The following NEMP1 variants were observed in gnomAD, a reference collection of about 807,000 sequenced individuals.
NEMP1 encodes nuclear envelope integral membrane protein 1, also known as transmembrane protein 194.
A neutral mutation model predicts 53.7 loss-of-function variants in NEMP1; 29 were observed. The observed-to-expected ratio is 0.54, with a 90% CI of 0.40 to 0.74. NEMP1 has a LOEUF of 0.74. Among genes scored for constraint, NEMP1 ranks in the 30% least tolerant of loss-of-function variants. NEMP1 has a pLI of 0.00. For missense variants in NEMP1, 477 were observed against 528.6 expected (o/e 0.90, Z 0.96); for synonymous variants, 193 against 192.9 (o/e 1.00, Z 0.00).
At chr12:57,084,550 A>G (rs2032938392) in intron 1 of NEMP1, among the ~76,000 whole-genome samples, 1 of 151,998 alleles carries the variant, frequency 6.6e-6, no homozygotes, top group Non-Finnish European at 1.5e-5. Context: ...GTCCTTCAGT[A>G]TTTTTCAAGC....
intron 4 of NEMP1, among the ~76,000 whole-genome samples, chr12:57,068,522 T>C (rs2032201770): frequency 6.6e-6 from 1 of 152,146 alleles, no homozygotes; most frequent in East Asian, 1.9e-4. Flanking sequence ...AGCTAATTTT[T>C]GTATAGACAG....
intron 1 of NEMP1, among the ~76,000 whole-genome samples, 165 bp from the exon 2 acceptor site, chr12:57,073,077 A>T (rs913046822): frequency 6.6e-6 from 1 of 152,220 alleles, no homozygotes; most frequent in East Asian, 1.9e-4. Flanking sequence ...CTAAGGCAGA[A>T]TCTTATTTCT....
intron 6 of NEMP1, among the ~76,000 whole-genome samples, chr12:57,063,839 A>G (rs2031938461): frequency 1.3e-5 from 2 of 152,264 alleles, no homozygotes; most frequent in Admixed American, 1.3e-4. Context: ...AAAGAAAGGT[A>G]TATTTATAAA....
At chr12:57,073,204 C>G (rs1163224379) in intron 1 of NEMP1, among the ~76,000 whole-genome samples, 1 of 151,278 alleles carries the variant, frequency 6.6e-6, no homozygotes, top group East Asian at 1.9e-4. Context: ...TTGCCCAGGC[C>G]GGACTGCAGT....
upstream of NEMP1, among the ~76,000 whole-genome samples, chr12:57,080,653 G>A (rs1380666929): frequency 6.6e-6 from 1 of 150,944 alleles, no homozygotes; most frequent in Non-Finnish European, 1.5e-5. Flanking sequence ...ACTTTTGGGA[G>A]GTTGAGGTGG....
intron 4 of NEMP1, among the ~76,000 whole-genome samples, chr12:57,067,611 C>T (rs2032152814): frequency 6.6e-6 from 1 of 152,074 alleles, no homozygotes; most frequent in African/African-American, 2.4e-5. Context: ...AAGTGAAGTA[C>T]AATAAAGTGA....
rs201374270 is a variant in NEMP1, at chr12:57,070,804, G to A, written c.342C>T (p.Asn114=). The part of the protein sequence containing the change: ...LKELEQFSIW[N]FFSSFLKEKL... ...TCTCTTTTAAAAAGGAGGAAAAAAAGTTCCAGATACTAAACTGCTCTAGCT... is the reference window on the plus strand; with the variant it reads ...TCTCTTTTAAAAAGGAGGAAAAAAAATTCCAGATACTAAACTGCTCTAGCT... Residue 114 remains asparagine, a synonymous_variant, in exon 3 of 9, where the codon AAC becomes AAT. Coordinates refer to ENST00000300128, the MANE Select transcript of NEMP1 (RefSeq NM_001130963.2). 3.3e-4 allele frequency: 527 copies of A among 1,613,972 alleles called. 3 individuals carry two copies. In the African/African-American group the frequency reaches 6.5e-3, roughly 20 times the overall value.
chr12:57,075,484 G>A (rs2032563928), intron 1 of NEMP1, among the ~76,000 whole-genome samples: 1 of 148,704 alleles, frequency 6.7e-6, no homozygotes, highest in African/African-American at 2.5e-5. Flanking sequence ...GACAGAGCAA[G>A]ACTCCATCTC....
intron 7 of NEMP1, among the ~76,000 whole-genome samples, chr12:57,061,480 G>C (rs1247443990): frequency 6.8e-6 from 1 of 147,044 alleles, no homozygotes; most frequent in Non-Finnish European, 1.5e-5. Context: ...GATCACCTGA[G>C]GTCAGGAGTT....
At chr12:57,064,595 C>CT in intron 5 of NEMP1, 51 bp downstream of exon 5, 1 of 1,409,256 alleles carries the variant, frequency 7.1e-7, no homozygotes, top group Non-Finnish European at 9.9e-7. Flanking sequence ...GAAAACAGTC[C>CT]TTCAGCTATC....
intron 2 of NEMP1, among the ~76,000 whole-genome samples, chr12:57,071,762 T>G (rs946993026): frequency 1.3e-5 from 2 of 151,744 alleles, no homozygotes; most frequent in African/African-American, 4.8e-5. Context: ...GAGGCAGAGG[T>G]TGCAGGGAGC....
chr12:57,063,235 G>A lies in NEMP1; in HGVS notation c.864C>T (p.Gly288=). 2.5e-6 allele frequency: 4 copies of A among 1,614,144 alleles called. No homozygotes were observed. The highest frequency in any genetic ancestry group is 3.4e-6 in the Non-Finnish European group (4 of 1,180,032). The change falls in exon 7 of 9, where the codon GGC becomes GGT. Residue 288 remains glycine, a synonymous_variant. Coordinates refer to ENST00000300128, the MANE Select transcript of NEMP1 (RefSeq NM_001130963.2). The stretch of plus-strand genomic sequence containing the variant: ...GGATGCCAGAATACATGAAACACAG[G>A]CCCATCAGCTGCAAGGTCCAGGTCA... ...NLLTWTLQLM[G]LCFMYSGIQI...
chr12:57,064,765 A>T, intron 4 of NEMP1, 26 bp from the exon 5 acceptor site: 6 of 1,546,860 alleles, frequency 3.9e-6, no homozygotes, highest in Non-Finnish European at 5.3e-6. Flanking sequence ...GTATTTCATG[A>T]CCATATGTAT....
At chr12:57,086,510 T>C (rs1225182437) in intron 1 of NEMP1, among the ~76,000 whole-genome samples, 3 of 95,892 alleles carry the variant, frequency 3.1e-5, no homozygotes, top group African/African-American at 1.4e-4. Flanking sequence ...TTGTCCCCAC[T>C]CCCTTTTTGT....
At position 57,059,925 on chromosome 12, in the gene NEMP1, G is replaced by T; in HGVS notation, c.1289C>A (p.Ser430Ter). Reference sequence around the variant, plus strand: ...TGTGATAGCAGGACACCGAGAATATGAGTCCTCCTCCTCAGAGGATGCTTC... The same window carrying T: ...TGTGATAGCAGGACACCGAGAATATTAGTCCTCCTCCTCAGAGGATGCTTC... ...YEEASSEEED[S>*]YSRCPAITQN... The change falls in exon 9 of 9, where the codon TCA becomes TAA. Residue 430 changes from serine (S) to a stop codon, truncating the protein, a stop_gained. Transcript: ENST00000300128. LOFTEE classifies it low-confidence loss of function (END_TRUNC). The T allele has an allele frequency of 6.2e-7, 1 of 1,613,920 alleles. No homozygotes were observed. Among genetic ancestry groups the T allele is most frequent in the Non-Finnish European group, 8.5e-7 (1 of 1,179,938 alleles).
chr12:57,079,565 T>C (rs1302912994), upstream of NEMP1, among the ~76,000 whole-genome samples: 1 of 152,174 alleles, frequency 6.6e-6, no homozygotes, highest in Non-Finnish European at 1.5e-5. Flanking sequence ...TTTATATGGA[T>C]TAGCTGCTTC....
intron 1 of NEMP1, among the ~76,000 whole-genome samples, chr12:57,086,076 T>TGGAA (rs767322360): frequency 3.3e-5 from 5 of 151,106 alleles, no homozygotes; most frequent in Non-Finnish European, 7.4e-5. Flanking sequence ...CCTGGAGGAG[T>TGGAA]GGAAGGGGTC....
Position 57,070,822 on chromosome 12 carries a change from C to T in NEMP1, c.324G>A (p.Glu108=). The T allele has an allele frequency of 6.2e-7, 1 of 1,614,134 alleles. No homozygotes were observed. The highest frequency in any genetic ancestry group is 8.5e-7 in the Non-Finnish European group (1 of 1,180,010). The stretch of plus-strand genomic sequence containing the variant: ...AAAAAAAGTTCCAGATACTAAACTG[C>T]TCTAGCTCCTTCAGTTTCTCCTCAT... The part of the protein sequence containing the change: ...VENEEKLKEL[E]QFSIWNFFSS... The change falls in exon 3 of 9, where the codon GAG becomes GAA. Residue 108 remains glutamate (E), a synonymous_variant. Transcript: ENST00000300128.
Position 57,078,724 on chromosome 12 carries a change from C to T in NEMP1, c.22G>A (p.Ala8Thr). The change falls in exon 1 of 9, where the codon GCG (alanine) becomes ACG (threonine). Residue 8 changes from alanine (A) to threonine (T), a missense_variant. By Grantham distance (58) the Ala-to-Thr change is moderately conservative. Coordinates refer to ENST00000300128, the MANE Select transcript of NEMP1 (RefSeq NM_001130963.2). MAGGMKV[A>T]VSPAVGPGPW... ...CCGGGACCAACTGCCGGCGAGACCG[C>T]CACTTTCATTCCTCCCGCCATGGTT... The T allele has an allele frequency of 6.2e-7, 1 of 1,612,808 alleles. No homozygotes were observed. The highest frequency in any genetic ancestry group is 8.5e-7 in the Non-Finnish European group (1 of 1,179,240).
Sources: allele counts gnomAD v4.1 joint callset (sites outside exome capture counted in the v4.1 genomes callset), GRCh38; gene constraint gnomAD v4.1.1; transcripts MANE v1.5; gene names NCBI Gene and HGNC (gene_info 2026-07-23, HGNC 2026-07-21).